RGN: variants seen among roughly 807,000 people sequenced by gnomAD.
The protein encoded by RGN is epididymis secretory protein Li 41.
In RGN, 19 loss-of-function variants were observed where a neutral mutation model predicts 20.6. That is an observed-to-expected ratio of 0.92 (90% CI 0.64 to 1.35). The LOEUF is 1.35. RGN is among the 40% of genes most tolerant of loss of function. The pLI is 0.00. For synonymous variants in RGN, 85 were observed against 87.2 expected (o/e 0.97, Z 0.14); for missense variants, 302 against 232.7 (o/e 1.30, Z -1.94).
chrX:47,093,046 T>C lies in RGN; in HGVS notation c.*99T>C, dbSNP rs1556388556. Reference sequence around the variant, plus strand: ...GTTAGAAAGAAAAATGAGGCAATGATTTTATTAACAGCGTTAAGTTTTAAT... The same window carrying C: ...GTTAGAAAGAAAAATGAGGCAATGACTTTATTAACAGCGTTAAGTTTTAAT... On this transcript the variant is annotated 3_prime_UTR_variant, in exon 8 of 8. Transcript: ENST00000397180. 1.6e-6 allele frequency: 1 copy of C among 635,786 alleles called. No homozygotes were observed. The highest frequency in any genetic ancestry group is 3.5e-5 in the Admixed American group (1 of 28,391). 52.4% of individuals were successfully genotyped at this position (635,786 alleles called of 1,213,427 possible). A position where few individuals can be genotyped will look rare whatever the true frequency, so the allele number is the denominator to read the frequency against.
rs782428534 is a variant in RGN, at chrX:47,079,450, A to G, written c.-636+741A>G. On this transcript the variant is annotated intron_variant, in intron 1 of 7. Transcript: ENST00000397180. ...TTTTGTTTTTTTGGTTTTTTTTTTG[A>G]GACGGAGTCTTACTCTGTCGCTCAG... is the stretch of plus-strand genomic sequence containing the variant. Among the ~76,000 whole-genome samples the G allele has an allele frequency of 1.4e-3, 135 of 94,272 alleles. 1 individual carries two copies. The highest frequency in any genetic ancestry group is 5.3e-3 in the African/African-American group (130 of 24,396). 81.9% of individuals were successfully genotyped at this position (94,272 alleles called of 115,157 possible). A position where few individuals can be genotyped will look rare whatever the true frequency, so the allele number is the denominator to read the frequency against.
chrX:47,084,568 G>T lies in RGN; in HGVS notation c.314G>T (p.Gly105Val). The change falls in exon 4 of 8, where the codon GGG (glycine) becomes GTG (valine). Residue 105 changes from glycine (G) to valine (V), a missense_variant. By Grantham distance (109) the Gly-to-Val change is moderately radical. Transcript: ENST00000397180. ...NDKKNNRFNDGKVDPAGRYFA... is the reference protein window; with the variant it reads ...NDKKNNRFNDVKVDPAGRYFA... ...AAGAAAAACAATCGCTTCAATGATG[G>T]GAAGGTGGATCCCGCCGGGAGGTAC... The T allele has an allele frequency of 8.3e-7, 1 of 1,197,982 alleles. No homozygotes were observed. The highest frequency in any genetic ancestry group is 1.7e-5 in the African/African-American group (1 of 57,618).
At chrX:47,092,300 A>G in intron 7 of RGN, 85 bp downstream of exon 7, 1 of 817,817 alleles carries the variant, frequency 1.2e-6, no homozygotes, top group South Asian at 2.7e-5. Context: ...GTACTTTTGC[A>G]TACTTCCAAA....
At chrX:47,089,390 A>T (rs201263309) in intron 4 of RGN, among the ~76,000 whole-genome samples, 8 of 132 alleles carry the variant, frequency 0.061, no homozygotes, top group Non-Finnish European at 0.33. Context: ...ATATAATTAT[A>T]ATATAATATA....
rs1569540735 is a variant in RGN at position 47,090,935 on chromosome X, A to AGAAG, written c.563-740_563-739insGGAA. On this transcript the variant is annotated intron_variant, in intron 5 of 7. Coordinates refer to ENST00000397180, the MANE Select transcript of RGN (RefSeq NM_152869.4). ...AAGAAGGAAAGAAAGAAAGAAAGAAAGAAAGAAAGAAAGAAAGAAAGAAAG... is the reference window on the plus strand; with the variant it reads ...AAGAAGGAAAGAAAGAAAGAAAGAAAGAAGGAAAGAAAGAAAGAAAGAAAGAAAG... Among the ~76,000 whole-genome samples, 79 of 30,097 alleles carry AGAAG rather than the reference A, an allele frequency of 2.6e-3. 7 individuals carry two copies. In the South Asian group the frequency reaches 0.043, roughly 16 times the overall value. The allele number at this position is 30,097 out of a possible 115,157, so 26.1% of individuals were successfully genotyped here. A position where few individuals can be genotyped will look rare whatever the true frequency, so the allele number is the denominator to read the frequency against.
intron 3 of RGN, 94 bp from the exon 4 acceptor site, chrX:47,084,324 C>A: frequency 1.3e-6 from 1 of 763,454 alleles, no homozygotes; most frequent in Non-Finnish European, 1.8e-6. Context: ...GAGAGCTGGG[C>A]TCCCGCTCTA....
Position 47,093,230 on chromosome X carries a change from G to C in RGN, c.*283G>C. 1 of 301,081 alleles carries C rather than the reference G, an allele frequency of 3.3e-6. No homozygotes were observed. Among genetic ancestry groups the C allele is most frequent in the Non-Finnish European group, 5.7e-6 (1 of 174,524 alleles). The allele number at this position is 301,081 out of a possible 1,213,427, so 24.8% of individuals were successfully genotyped here. A position where few individuals can be genotyped will look rare whatever the true frequency, so the allele number is the denominator to read the frequency against. On this transcript the variant is annotated 3_prime_UTR_variant, in exon 8 of 8. Transcript: ENST00000397180. ...CTTTGTAAATTGCCAGGGTGGGTGG[G>C]TACATATCTCTTCTTGATTCTGCAT...
intron 5 of RGN, among the ~76,000 whole-genome samples, 183 bp downstream of exon 5, chrX:47,090,174 G>C (rs973988903): frequency 9.0e-6 from 1 of 110,943 alleles, no homozygotes; most frequent in South Asian, 3.8e-4. Flanking sequence ...ATCAAATCAT[G>C]GTCCTCAACA....
Position 47,093,015 on chromosome X carries a change from A to G in RGN, c.*68A>G. ...TAGAGAATTCTGGGCCTGAAATTTCAATCTAGTTAGAAAGAAAAATGAGGC... is the reference window on the plus strand; with the variant it reads ...TAGAGAATTCTGGGCCTGAAATTTCGATCTAGTTAGAAAGAAAAATGAGGC... On this transcript the variant is annotated 3_prime_UTR_variant, in exon 8 of 8. Transcript: ENST00000397180. 1.2e-6 allele frequency: 1 copy of G among 856,940 alleles called. No individual in the cohort carries two copies. The highest frequency in any genetic ancestry group is 2.3e-5 in the South Asian group (1 of 44,364). The allele number at this position is 856,940 out of a possible 1,213,427, so 70.6% of individuals were successfully genotyped here. A position where few individuals can be genotyped will look rare whatever the true frequency, so the allele number is the denominator to read the frequency against.
At chrX:47,079,936 T>C (rs1930221655) in intron 1 of RGN, among the ~76,000 whole-genome samples, 1 of 111,129 alleles carries the variant, frequency 9.0e-6, no homozygotes, top group African/African-American at 3.3e-5. Flanking sequence ...CAGGCTGGAG[T>C]GCAGTGGCAT....
Position 47,089,959 on chromosome X carries a change from C to A in RGN, c.530C>A (p.Ala177Asp). Residue 177 changes from alanine to aspartate, a missense_variant, in exon 5 of 8, where the codon GCC becomes GAC. Coordinates refer to ENST00000397180, the MANE Select transcript of RGN (RefSeq NM_152869.4). Reference protein sequence around the residue: ...YIDSLSYSVDAFDYDLQTGQI... With the variant: ...YIDSLSYSVDDFDYDLQTGQI... ...GACAGCCTGTCCTACTCCGTGGATGCCTTTGACTATGACCTGCAGACAGGA... is the reference window on the plus strand; with the variant it reads ...GACAGCCTGTCCTACTCCGTGGATGACTTTGACTATGACCTGCAGACAGGA... The A allele has an allele frequency of 8.3e-7, 1 of 1,203,313 alleles. No individual in the cohort carries two copies. The highest frequency in any genetic ancestry group is 1.1e-6 in the Non-Finnish European group (1 of 889,484).
At chrX:47,092,259 A>T (rs1431824375) in intron 7 of RGN, 44 bp downstream of exon 7, 2 of 1,078,655 alleles carry the variant, frequency 1.9e-6, no homozygotes, top group East Asian at 6.6e-5. Flanking sequence ...GGGATCCCAA[A>T]TACTTACAGG....
chrX:47,089,532 A>ATATTATATGTACT lies in RGN; in HGVS notation c.347-241_347-240insTATATGTACTTAT, dbSNP rs1569540553. ...TTATATATACATATTATATATACTC[A>ATATTATATGTACT]TATATATACATATTATATACACTTA... On this transcript the variant is annotated intron_variant, in intron 4 of 7. Coordinates refer to ENST00000397180, the MANE Select transcript of RGN (RefSeq NM_152869.4). Among the ~76,000 whole-genome samples the ATATTATATGTACT allele has an allele frequency of 6.0e-5, 2 of 33,251 alleles. 1 individual carries two copies. Among genetic ancestry groups the ATATTATATGTACT allele is most frequent in the Non-Finnish European group, 1.0e-4 (2 of 19,543 alleles). The allele number at this position is 33,251 out of a possible 115,157, so 28.9% of individuals were successfully genotyped here.
chrX:47,091,705 A>G lies in RGN; in HGVS notation c.590A>G (p.Glu197Gly). Residue 197 changes from glutamate (E) to glycine (G), a missense_variant, in exon 6 of 8, where the codon GAA (glutamate) becomes GGA (glycine). Transcript: ENST00000397180. ...AACCGCAGAAGTGTTTACAAGCTAG[A>G]AAAGGAAGAACAAATCCCAGATGGA... is the stretch of plus-strand genomic sequence containing the variant. ...ISNRRSVYKL[E>G]KEEQIPDGMC... 1 of 1,210,215 alleles carries G rather than the reference A, an allele frequency of 8.3e-7. No individual in the cohort carries two copies. The highest frequency in any genetic ancestry group is 1.1e-6 in the Non-Finnish European group (1 of 895,016).
chrX:47,089,694 A>G, intron 4 of RGN, 82 bp from the exon 5 acceptor site: 2 of 669,830 alleles, frequency 3.0e-6, no homozygotes, highest in Non-Finnish European at 4.5e-6. Context: ...ATCACTGGAA[A>G]GGATCCCTGG....
intron 2 of RGN, 32 bp downstream of exon 2, chrX:47,080,968 G>A (rs1271427343): frequency 1.5e-5 from 6 of 393,481 alleles, no homozygotes; most frequent in Non-Finnish European, 2.2e-5. Context: ...CATGGTCCCT[G>A]TTATCAGCTC....
chrX:47,081,247 C>G lies in RGN; in HGVS notation c.103C>G (p.Pro35Ala). 8.3e-7 allele frequency: 1 copy of G among 1,209,704 alleles called. No homozygotes were observed. Among genetic ancestry groups the G allele is most frequent in the Middle Eastern group, 2.3e-4 (1 of 4,350 alleles). The change falls in exon 3 of 8, where the codon CCT becomes GCT. Residue 35 changes from proline (P) to alanine (A), a missense_variant. By Grantham distance (27) the Pro-to-Ala change is conservative. Coordinates refer to ENST00000397180, the MANE Select transcript of RGN (RefSeq NM_152869.4). ...VSNSLLFVDIPAKKVCRWDSF... is the reference protein window; with the variant it reads ...VSNSLLFVDIAAKKVCRWDSF... ...CAACTCTCTGCTCTTTGTAGACATT[C>G]CTGCAAAAAAGGTTTGCCGGTGGGA...
At chrX:47,079,585 T>C (rs1430777740) in intron 1 of RGN, among the ~76,000 whole-genome samples, 1 of 108,170 alleles carries the variant, frequency 9.2e-6, no homozygotes, top group Non-Finnish European at 1.9e-5. Flanking sequence ...CACCCGCCAC[T>C]GTGCCCAGCC....
chrX:47,083,582 C>A (rs1930443271), intron 3 of RGN, among the ~76,000 whole-genome samples: 3 of 111,271 alleles, frequency 2.7e-5, no homozygotes, highest in Non-Finnish European at 5.7e-5. Flanking sequence ...AAACAATTTG[C>A]AATTAAATAC....
Sources: gnomAD v4.1 joint callset for allele counts (sites outside exome capture counted in the v4.1 genomes callset) on GRCh38, gnomAD v4.1.1 for gene constraint, MANE v1.5 for transcripts, NCBI Gene and HGNC (gene_info 2026-07-23, HGNC 2026-07-21) for gene names.